The following GRID2 variants were observed in gnomAD, a reference collection of about 807,000 sequenced individuals.
The protein encoded by GRID2 is glutamate receptor ionotropic, delta-2.
In GRID2, 33 loss-of-function variants were observed where a neutral mutation model predicts 114.8. That is an observed-to-expected ratio of 0.29 (90% CI 0.22 to 0.38). GRID2 has a LOEUF of 0.38. Ranked by LOEUF, GRID2 falls within the 10% of genes least tolerant of loss-of-function variation. GRID2 has a pLI of 1.00. For missense variants in GRID2, 1,184 were observed against 1,257.7 expected (o/e 0.94, Z 0.89); for synonymous variants, 505 against 449.9 (o/e 1.12, Z -1.55).
Position 92,304,724 on chromosome 4 carries a change from C to G in GRID2, c.68C>G (p.Ala23Gly). ...WWSRTWDSAN[A>G]DSIIHIGAIF... ...TCTCGAACCTGGGACTCGGCGAATG[C>G]GGATTCGATCATTCACATCGGTAAG... Residue 23 changes from alanine to glycine, a missense_variant, in exon 1 of 16, where the codon GCG (alanine) becomes GGG (glycine). Coordinates refer to ENST00000282020, the MANE Select transcript of GRID2 (RefSeq NM_001510.4). 6.2e-7 allele frequency: 1 copy of G among 1,611,350 alleles called. No homozygotes were observed. Among genetic ancestry groups the G allele is most frequent in the Non-Finnish European group, 8.5e-7 (1 of 1,177,524 alleles).
intron 2 of GRID2, among the ~76,000 whole-genome samples, chr4:92,927,871 G>A (rs1436347683): frequency 1.3e-5 from 2 of 151,668 alleles, no homozygotes; most frequent in African/African-American, 4.8e-5. Context: ...TTTTTTGGAT[G>A]TTAGAATGTT....
rs907891924 is a variant in GRID2 at position 92,759,480 on chromosome 4, C to T, written c.244+169194C>T. Among the ~76,000 whole-genome samples the T allele has an allele frequency of 8.5e-5, 13 of 152,074 alleles. No homozygotes were observed. The South Asian group carries it at 1.0e-3, about 12-fold the overall frequency. Reference sequence around the variant, plus strand: ...CCAATACTTTTCATTCACTGATGAGCGCTCCACTTTGTAAATATCTTGTGC... The same window carrying T: ...CCAATACTTTTCATTCACTGATGAGTGCTCCACTTTGTAAATATCTTGTGC... On this transcript the variant is annotated intron_variant, in intron 2 of 15. Transcript: ENST00000282020.
chr4:93,756,534 T>C (rs189106577), intron 14 of GRID2, among the ~76,000 whole-genome samples: 1 of 152,304 alleles, frequency 6.6e-6, no homozygotes, highest in East Asian at 1.9e-4. Flanking sequence ...TCTTGCTGTG[T>C]GCTCACAGGA....
chr4:93,003,139 G>A (rs1721175347), intron 2 of GRID2, among the ~76,000 whole-genome samples: 1 of 151,826 alleles, frequency 6.6e-6, no homozygotes, highest in Non-Finnish European at 1.5e-5. Context: ...GGTCCAAGAT[G>A]TTAGCATTTA....
intron 2 of GRID2, among the ~76,000 whole-genome samples, chr4:92,996,966 C>A (rs1755240357): frequency 6.6e-6 from 1 of 152,132 alleles, no homozygotes; most frequent in Non-Finnish European, 1.5e-5. Flanking sequence ...TAAAAGTGAA[C>A]CATGTTGCTA....
intron 2 of GRID2, among the ~76,000 whole-genome samples, chr4:92,651,826 G>A (rs1731948547): frequency 1.3e-5 from 2 of 152,080 alleles, no homozygotes; most frequent in Admixed American, 1.3e-4. Context: ...TCCCAGAGTG[G>A]GGTTGTAGTA....
intron 8 of GRID2, among the ~76,000 whole-genome samples, chr4:93,335,968 T>A (rs1294325677): frequency 1.3e-5 from 2 of 152,216 alleles, no homozygotes; most frequent in African/African-American, 4.8e-5. Flanking sequence ...ATTATAGGCG[T>A]GAGCCACCAC....
chr4:93,201,733 G>A (rs886289024), intron 4 of GRID2, among the ~76,000 whole-genome samples: 4 of 152,124 alleles, frequency 2.6e-5, no homozygotes, highest in South Asian at 2.1e-4. Context: ...AAACAAGCTC[G>A]GGCAGGGTTG....
At chr4:92,968,637 A>C (rs958053067) in intron 2 of GRID2, among the ~76,000 whole-genome samples, 1 of 151,946 alleles carries the variant, frequency 6.6e-6, no homozygotes, top group Non-Finnish European at 1.5e-5. Context: ...CAATGGCTTT[A>C]ATAGATTCAC....
At chr4:92,307,662 G>T (rs1340189090) in intron 1 of GRID2, among the ~76,000 whole-genome samples, 1 of 152,052 alleles carries the variant, frequency 6.6e-6, no homozygotes, top group Non-Finnish European at 1.5e-5. Context: ...TGATTGAAAT[G>T]AAAATGTATT....
chr4:93,428,643 G>T (rs1032125), intron 10 of GRID2, among the ~76,000 whole-genome samples: 84,619 of 151,868 alleles, frequency 0.56, 23,930 homozygotes, highest in East Asian at 0.71. Context: ...TTGTGTGAGG[G>T]TGGGGCGGAA....
intron 1 of GRID2, among the ~76,000 whole-genome samples, chr4:92,513,963 G>T (rs140071755): frequency 1.3e-3 from 205 of 151,978 alleles, no homozygotes; most frequent in Non-Finnish European, 2.2e-3. Flanking sequence ...AAAGTTAAGA[G>T]CTGATATCAA....
Position 93,404,841 on chromosome 4 carries a change from G to T in GRID2, c.1347+9133G>T, listed in dbSNP as rs868854810. ...AGTATATGCGGAAGTATGTAGATAT[G>T]ATATTCTATCAAGAATTTAAAGTAT... On this transcript the variant is annotated intron_variant, in intron 9 of 15. Coordinates refer to ENST00000282020, the MANE Select transcript of GRID2 (RefSeq NM_001510.4). Among the ~76,000 whole-genome samples, 10 of 152,184 alleles carry T rather than the reference G, an allele frequency of 6.6e-5. 1 individual carries two copies. Among genetic ancestry groups the T allele is most frequent in the South Asian group, 6.2e-4 (3 of 4,818 alleles).
chr4:92,372,206 T>C (rs1341289003), intron 1 of GRID2, among the ~76,000 whole-genome samples: 1 of 152,178 alleles, frequency 6.6e-6, no homozygotes, highest in Non-Finnish European at 1.5e-5. Context: ...ATTTAGAGTA[T>C]TTAATTAACC....
chr4:92,800,245 T>C (rs537222431), intron 2 of GRID2, among the ~76,000 whole-genome samples: 14 of 151,398 alleles, frequency 9.2e-5, no homozygotes, highest in Non-Finnish European at 1.6e-4. Context: ...ACTGGGAAGA[T>C]GGCATAGCAA....
intron 2 of GRID2, among the ~76,000 whole-genome samples, chr4:92,880,232 G>A (rs560454982): frequency 6.6e-6 from 1 of 152,266 alleles, no homozygotes; most frequent in Admixed American, 6.5e-5. Context: ...GGAGCATTTG[G>A]AGGAGTATTA....
At chr4:93,128,027 CAAAA>C (rs1008311457) in intron 4 of GRID2, among the ~76,000 whole-genome samples, 12 of 20,332 alleles carry the variant, frequency 5.9e-4, no homozygotes, top group Non-Finnish European at 1.1e-3. Context: ...TCCCCCGCAA[CAAAA>C]AAAAAAAAAA....
At chr4:92,873,601 C>G (rs1222066021) in intron 2 of GRID2, among the ~76,000 whole-genome samples, 1 of 152,072 alleles carries the variant, frequency 6.6e-6, no homozygotes, top group Non-Finnish European at 1.5e-5. Flanking sequence ...CCTTGTATAT[C>G]TAAAGCTAAA....
chr4:92,775,797 G>A (rs1738766951), intron 2 of GRID2, among the ~76,000 whole-genome samples: 1 of 152,000 alleles, frequency 6.6e-6, no homozygotes, highest in East Asian at 1.9e-4. Flanking sequence ...TTAACACATG[G>A]CCTCCTCTAT....
Sources: gnomAD v4.1 joint callset for allele counts (sites outside exome capture counted in the v4.1 genomes callset) on GRCh38, gnomAD v4.1.1 for gene constraint, MANE v1.5 for transcripts, NCBI Gene and HGNC (gene_info 2026-07-23, HGNC 2026-07-21) for gene names.